Variants in SLC9A9 observed in about 807,000 individuals in gnomAD.
The protein encoded by SLC9A9 is solute carrier family 9 member A9.
Under a neutral mutation model 77.8 loss-of-function variants are expected in SLC9A9, and 62 were observed. That is an observed-to-expected ratio of 0.80 (90% confidence interval 0.65 to 0.98). The LOEUF (loss-of-function observed/expected upper bound fraction) is 0.98, where lower values mean the gene tolerates loss of function less well. Among genes scored for constraint, SLC9A9 ranks in the 50% least tolerant of loss-of-function variants. The probability of loss-of-function intolerance (pLI) is 0.00; values close to 1 mark genes in which losing one functional copy is unlikely to be tolerated. For missense variants in SLC9A9, 775 were observed against 774.9 expected (o/e 1.00, Z 0.00); for synonymous variants, 320 against 283.5 (o/e 1.13, Z -1.29).
intron 14 of SLC9A9, among the ~76,000 whole-genome samples, chr3:143,293,328 A>G (rs1361672912): frequency 6.6e-6 from 1 of 152,194 alleles, no homozygotes; most frequent in Non-Finnish European, 1.5e-5. Context: ...TGTATTCTTC[A>G]TTCTTTATTT....
chr3:143,627,890 AAAAC>A (rs2038358966), intron 6 of SLC9A9, among the ~76,000 whole-genome samples: 1 of 152,264 alleles, frequency 6.6e-6, no homozygotes, highest in African/African-American at 2.4e-5. Flanking sequence ...ACAAAGAGCT[AAAAC>A]AAATAGTTGG....
chr3:143,493,823 C>T, intron 10 of SLC9A9, 59 bp from the exon 11 acceptor site: 1 of 1,255,656 alleles, frequency 8.0e-7, no homozygotes, highest in Non-Finnish European at 1.2e-6. Context: ...GGTTTGAATC[C>T]TTGAGCTTAA....
Position 143,713,707 on chromosome 3 carries a change from G to C in SLC9A9, c.534-20400C>G, listed in dbSNP as rs530291816. On this transcript the variant is annotated intron_variant, in intron 4 of 15. Transcript: ENST00000316549. ...TGTATTGTTCTTGCCATGGTCAGGG[G>C]GAAGTAGGACAAAATAAACAAACAA... 9.0e-4 allele frequency among the ~76,000 whole-genome samples: 137 copies of C among 152,206 alleles called. No individual in the cohort carries two copies. The South Asian group carries it at 0.013, about 15-fold the overall frequency.
rs1214256422 is a variant in SLC9A9 at position 143,487,004 on chromosome 3, A to G, written c.1315+6649T>C. Among the ~76,000 whole-genome samples the G allele has an allele frequency of 2.6e-5, 4 of 152,052 alleles. No individual in the cohort carries two copies. The East Asian group carries it at 7.7e-4, about 29-fold the overall frequency. On this transcript the variant is annotated intron_variant, in intron 11 of 15. Coordinates refer to ENST00000316549, the MANE Select transcript of SLC9A9 (RefSeq NM_173653.4). Reference sequence around the variant, plus strand: ...AGTTTGGCAGAATGGATGAAAACATATGATCCAGCTATATGCTGTCTAAGG... The same window carrying G: ...AGTTTGGCAGAATGGATGAAAACATGTGATCCAGCTATATGCTGTCTAAGG...
chr3:143,297,438 C>G (rs960458272), intron 14 of SLC9A9, among the ~76,000 whole-genome samples: 6 of 152,152 alleles, frequency 3.9e-5, no homozygotes, highest in Non-Finnish European at 8.8e-5. Context: ...ATTGCTCTAG[C>G]TTTGTAGTAT....
intron 10 of SLC9A9, among the ~76,000 whole-genome samples, chr3:143,494,772 C>T (rs1371806311): frequency 6.6e-6 from 1 of 152,340 alleles, no homozygotes; most frequent in East Asian, 1.9e-4. Flanking sequence ...TAGATTTCAT[C>T]TGTCTTCATA....
intron 13 of SLC9A9, chr3:143,381,839 T>G: frequency 1.8e-6 from 1 of 569,314 alleles, no homozygotes; most frequent in Non-Finnish European, 3.1e-6. Flanking sequence ...CCTGCTGCCA[T>G]AGAGAGGCTT....
intron 2 of SLC9A9, among the ~76,000 whole-genome samples, chr3:143,815,546 TAAAA>T (rs879891528): frequency 1.4e-3 from 216 of 151,224 alleles, no homozygotes; most frequent in Middle Eastern, 0.01. Flanking sequence ...TTTGCTATTT[TAAAA>T]AAAAAAAAAG....
intron 6 of SLC9A9, among the ~76,000 whole-genome samples, chr3:143,587,113 G>C (rs2037553408): frequency 1.3e-5 from 2 of 152,242 alleles, no homozygotes; most frequent in African/African-American, 2.4e-5. Context: ...TCCGTGGGAA[G>C]GATAAGCTAG....
intron 4 of SLC9A9, among the ~76,000 whole-genome samples, chr3:143,772,729 G>C (rs1442193990): frequency 6.6e-6 from 1 of 152,202 alleles, no homozygotes; most frequent in Non-Finnish European, 1.5e-5. Context: ...AGTCCGGTTT[G>C]TGAAAAACAG....
chr3:143,360,110 A>G (rs137869400), intron 14 of SLC9A9, among the ~76,000 whole-genome samples: 87 of 152,304 alleles, frequency 5.7e-4, no homozygotes, highest in African/African-American at 1.9e-3. Context: ...ATCTTGATGG[A>G]CTTTAGGGTC....
At chr3:143,630,976 C>T (rs577060767) in intron 6 of SLC9A9, among the ~76,000 whole-genome samples, 2 of 152,230 alleles carry the variant, frequency 1.3e-5, no homozygotes, top group South Asian at 2.1e-4. Context: ...CTATACCTCT[C>T]AGATTCATAT....
At chr3:143,379,043 T>C (rs183890264) in intron 13 of SLC9A9, among the ~76,000 whole-genome samples, 1 of 150,928 alleles carries the variant, frequency 6.6e-6, no homozygotes, top group Non-Finnish European at 1.5e-5. Flanking sequence ...TTTAAATATA[T>C]ATATATAGTT....
At chr3:143,539,438 C>T (rs2036647864) in intron 9 of SLC9A9, among the ~76,000 whole-genome samples, 1 of 152,184 alleles carries the variant, frequency 6.6e-6, no homozygotes, top group South Asian at 2.1e-4. Flanking sequence ...AAATGGCATC[C>T]TTAAATTTGG....
At chr3:143,617,775 T>C (rs1276321478) in intron 6 of SLC9A9, among the ~76,000 whole-genome samples, 1 of 152,212 alleles carries the variant, frequency 6.6e-6, no homozygotes, top group Non-Finnish European at 1.5e-5. Context: ...TGTAGGAATC[T>C]AAGTTTACAA....
chr3:143,690,380 C>CT (rs1933424113), intron 5 of SLC9A9, among the ~76,000 whole-genome samples: 1 of 151,888 alleles, frequency 6.6e-6, no homozygotes, highest in South Asian at 2.1e-4. Flanking sequence ...AAACAATTGA[C>CT]AATCCAGCAG....
At chr3:143,637,845 T>C (rs1047505428) in intron 6 of SLC9A9, among the ~76,000 whole-genome samples, 1 of 152,170 alleles carries the variant, frequency 6.6e-6, no homozygotes, top group Non-Finnish European at 1.5e-5. Flanking sequence ...TACTTCTCCA[T>C]GGAGAAGTAA....
At chr3:143,416,802 T>TA (rs2034202863) in intron 12 of SLC9A9, among the ~76,000 whole-genome samples, 1 of 152,232 alleles carries the variant, frequency 6.6e-6, no homozygotes, top group African/African-American at 2.4e-5. Flanking sequence ...TACATGTGTA[T>TA]ATCTGTATAT....
intron 2 of SLC9A9, among the ~76,000 whole-genome samples, chr3:143,803,825 G>A (rs981572688): frequency 5.3e-5 from 8 of 151,942 alleles, no homozygotes; most frequent in African/African-American, 1.5e-4. Flanking sequence ...CAGACTGGGC[G>A]ACATCTCCTG....
Sources: gnomAD v4.1 joint callset for allele counts (sites outside exome capture counted in the v4.1 genomes callset) on GRCh38, gnomAD v4.1.1 for gene constraint, MANE v1.5 for transcripts, NCBI Gene and HGNC (gene_info 2026-07-23, HGNC 2026-07-21) for gene names.